CACNA1S: variants seen among roughly 807,000 people sequenced by gnomAD.
CACNA1S encodes voltage-dependent L-type calcium channel subunit alpha-1S.
CACNA1S carries 126 observed loss-of-function variants against 207.4 expected under a neutral mutation model. That is an observed-to-expected ratio of 0.61 (90% CI 0.53 to 0.70). CACNA1S has a LOEUF of 0.70. CACNA1S is among the 30% of genes least tolerant of loss of function. CACNA1S has a pLI of 0.00. For missense variants in CACNA1S, 2,349 were observed against 2,422.8 expected (o/e 0.97, Z 0.64); for synonymous variants, 960 against 932.7 (o/e 1.03, Z -0.53).
chr1:201,045,924 A>G (rs1476932471), intron 38 of CACNA1S, among the ~76,000 whole-genome samples: 3 of 152,104 alleles, frequency 2.0e-5, no homozygotes, highest in African/African-American at 7.2e-5. Flanking sequence ...AGTTACTCTC[A>G]AATGGTTCAG....
At chr1:201,091,912 G>T in intron 4 of CACNA1S, 60 bp downstream of exon 4, 1 of 1,610,250 alleles carries the variant, frequency 6.2e-7, no homozygotes, top group Non-Finnish European at 8.5e-7. Context: ...ACCCAGAACT[G>T]GGGGACAAGG....
rs755382306 is a variant in CACNA1S at position 201,060,652 on chromosome 1, C to A, written c.3414+6G>T. ...ATCAGACATTTTTCTCCTGGGGAGC[C>A]CTTACCTGCATGCCGAGGCAGATGG... On this transcript the variant is annotated splice_donor_region_variant and intron_variant, in intron 26 of 43. Coordinates refer to ENST00000362061, the MANE Select transcript of CACNA1S (RefSeq NM_000069.3). The A allele has an allele frequency of 1.2e-6, 2 of 1,614,150 alleles. No individual in the cohort carries two copies. The highest frequency in any genetic ancestry group is 1.7e-6 in the Non-Finnish European group (2 of 1,180,036).
intron 18 of CACNA1S, 111 bp downstream of exon 18, chr1:201,069,360 TA>T: frequency 6.6e-7 from 1 of 1,523,304 alleles, no homozygotes; most frequent in Non-Finnish European, 9.0e-7. Flanking sequence ...AACTGAACTC[TA>T]AGAAACTCTG....
Position 201,060,758 on chromosome 1 carries a change from T to A in CACNA1S, c.3314A>T (p.Asn1105Ile), listed in dbSNP as rs1202575252. 1 of 1,613,856 alleles carries A rather than the reference T, an allele frequency of 6.2e-7. No individual in the cohort carries two copies. Among genetic ancestry groups the A allele is most frequent in the Non-Finnish European group, 8.5e-7 (1 of 1,179,930 alleles). ...ARPLRCYIPK[N>I]PYQYQVWYIV... ...GTACCACACCTGGTACTGGTATGGG[T>A]TTTTGGGAATGTAGCACCTCAGTGG... Residue 1105 changes from asparagine to isoleucine, a missense_variant, in exon 26 of 44, where the codon AAC (asparagine) becomes ATC (isoleucine). Transcript: ENST00000362061.
At chr1:201,041,706 T>G in intron 40 of CACNA1S, 117 bp from the exon 41 acceptor site, 1 of 772,876 alleles carries the variant, frequency 1.3e-6, no homozygotes, top group Non-Finnish European at 2.2e-6. Context: ...CAACCTAGTG[T>G]AGCAGCCGTG....
chr1:201,065,745 A>G (rs546586393), intron 22 of CACNA1S, 93 bp downstream of exon 22: 9 of 828,478 alleles, frequency 1.1e-5, no homozygotes, highest in Non-Finnish European at 1.9e-5. Flanking sequence ...ATTCGAAGAC[A>G]TCTGTTTTCA....
chr1:201,067,034 A>G (rs746016153), intron 19 of CACNA1S, 41 bp from the exon 20 acceptor site: 4 of 1,348,166 alleles, frequency 3.0e-6, no homozygotes, highest in African/African-American at 2.9e-5. Flanking sequence ...AGGAGCTTGG[A>G]GAACAGGCCT....
intron 19 of CACNA1S, among the ~76,000 whole-genome samples, chr1:201,067,820 A>G (rs1275518779): frequency 6.6e-6 from 1 of 152,068 alleles, no homozygotes; most frequent in Non-Finnish European, 1.5e-5. Flanking sequence ...GGAAGCCACC[A>G]TCTCCCTCTA....
intron 26 of CACNA1S, among the ~76,000 whole-genome samples, 196 bp downstream of exon 26, chr1:201,060,462 C>T (rs1034591727): frequency 1.3e-5 from 2 of 152,168 alleles, no homozygotes; most frequent in African/African-American, 4.8e-5. Flanking sequence ...CTTGAATTAC[C>T]TCCTTAATAA....
In CACNA1S at chr1:201,094,022, C is replaced by T; in HGVS notation, c.259-1G>A. The T allele has an allele frequency of 6.2e-7, 1 of 1,614,186 alleles. No individual in the cohort carries two copies. The highest frequency in any genetic ancestry group is 8.5e-7 in the Non-Finnish European group (1 of 1,180,030). On this transcript the variant is annotated splice_acceptor_variant, in intron 2 of 43. Coordinates refer to ENST00000362061, the MANE Select transcript of CACNA1S (RefSeq NM_000069.3). LOFTEE classifies it high-confidence loss of function. ...TGAGGAAGAAATACTCCAGCTTCTC[C>T]TGTGGGAGCAAACGTGGTCACAGCA... is the stretch of plus-strand genomic sequence containing the variant.
intron 14 of CACNA1S, among the ~76,000 whole-genome samples, chr1:201,074,093 A>T (rs897028694): frequency 1.3e-5 from 2 of 152,108 alleles, no homozygotes; most frequent in Non-Finnish European, 2.9e-5. Flanking sequence ...TCTGTCTAGA[A>T]CCTAGGTACT....
chr1:201,079,443 TG>T (rs1375361321), intron 10 of CACNA1S, among the ~76,000 whole-genome samples: 1 of 152,188 alleles, frequency 6.6e-6, no homozygotes, highest in African/African-American at 2.4e-5. Context: ...TTGGTTTCTG[TG>T]GTGCCACATC....
In CACNA1S at chr1:201,112,232, C is replaced by G. The variant is rs1572080659; in HGVS notation, c.108G>C (p.Leu36=). The stretch of plus-strand genomic sequence containing the variant: ...TGCAGGCCTTCCTCAGGGGGTTCTC[C>G]AGGGTCAGGCAGAACAAGGCCCGGG... ...RPPRALFCLT[L]ENPLRKACIS... is the part of the protein sequence containing the mutation. Residue 36 remains leucine, a synonymous_variant, in exon 1 of 44, where the codon CTG becomes CTC. Coordinates refer to ENST00000362061, the MANE Select transcript of CACNA1S (RefSeq NM_000069.3). 3.7e-6 allele frequency: 6 copies of G among 1,613,998 alleles called. No homozygotes were observed. The highest frequency in any genetic ancestry group is 5.1e-6 in the Non-Finnish European group (6 of 1,179,996).
At chr1:201,069,012 A>C in intron 19 of CACNA1S, 125 bp downstream of exon 19, 1 of 861,454 alleles carries the variant, frequency 1.2e-6, no homozygotes, top group Non-Finnish European at 1.9e-6. Context: ...GCTGGGTCCC[A>C]TGAGTCTTTC....
At chr1:201,069,273 A>G in intron 18 of CACNA1S, 77 bp from the exon 19 acceptor site, 3 of 1,493,924 alleles carry the variant, frequency 2.0e-6, no homozygotes, top group Non-Finnish European at 2.8e-6. Flanking sequence ...AGCAGCATAA[A>G]GCAGGCAGTC....
At position 201,070,263 on chromosome 1, in the gene CACNA1S, G is replaced by A. The variant is rs1170805079; in HGVS notation, c.2360+9C>T. On this transcript the variant is annotated intron_variant, in intron 17 of 43. Coordinates refer to ENST00000362061, the MANE Select transcript of CACNA1S (RefSeq NM_000069.3). ...TCAATCACCCCCACAGCAGCCAAGG[G>A]GCACCCACTTATTGGTGGGGCTGAA... 2 of 1,613,782 alleles carry A rather than the reference G, an allele frequency of 1.2e-6. No individual in the cohort carries two copies. Among genetic ancestry groups the A allele is most frequent in the Admixed American group, 3.3e-5 (2 of 60,010 alleles).
At chr1:201,048,460 C>T in intron 36 of CACNA1S, 122 bp downstream of exon 36, 1 of 846,740 alleles carries the variant, frequency 1.2e-6, no homozygotes, top group South Asian at 1.4e-5. Flanking sequence ...GGCCTGGGGT[C>T]CTCCCTCTAC....
At chr1:201,091,401 G>GGC (rs1228855259) in intron 5 of CACNA1S, among the ~76,000 whole-genome samples, 1 of 152,144 alleles carries the variant, frequency 6.6e-6, no homozygotes, top group Non-Finnish European at 1.5e-5. Context: ...GTGGGGCAGG[G>GGC]GGGTGACGGT....
At chr1:201,044,204 G>T in intron 39 of CACNA1S, 124 bp downstream of exon 39, 1 of 1,184,894 alleles carries the variant, frequency 8.4e-7, no homozygotes, top group Non-Finnish European at 1.2e-6. Context: ...GTGGAGAGAC[G>T]GAGTGGGGTA....
Sources: allele counts gnomAD v4.1 joint callset (sites outside exome capture counted in the v4.1 genomes callset), GRCh38; gene constraint gnomAD v4.1.1; transcripts MANE v1.5; gene names NCBI Gene and HGNC (gene_info 2026-07-23, HGNC 2026-07-21).